The following SLFNL1 variants were observed in gnomAD, a reference collection of about 807,000 sequenced individuals.
SLFNL1 encodes schlafen like 1, also known as schlafen-like protein 1.
A neutral mutation model predicts 32.5 loss-of-function variants in SLFNL1; 26 were observed. That is an observed-to-expected ratio of 0.80 (90% confidence interval 0.59 to 1.11). SLFNL1 has a LOEUF of 1.11. Among genes scored for constraint, SLFNL1 ranks in the 50% least tolerant of loss-of-function variants. The probability of loss-of-function intolerance (pLI) is 0.00; values close to 1 mark genes in which losing one functional copy is unlikely to be tolerated. For missense variants in SLFNL1, 553 were observed against 546.5 expected (o/e 1.01, Z -0.12); for synonymous variants, 255 against 242.2 (o/e 1.05, Z -0.49).
Position 41,017,680 on chromosome 1 carries a change from G to C in SLFNL1, c.912C>G (p.Thr304=). 1.3e-6 allele frequency: 2 copies of C among 1,564,780 alleles called. No homozygotes were observed. The highest frequency in any genetic ancestry group is 1.7e-6 in the Non-Finnish European group (2 of 1,151,294). ...PQIFPDAYTL[T]FIPVISTSET... ...CCGAGGTACTGATCACAGGGATGAAGGTGAGAGTGTAGGCATCGGGAAAGA... is the reference window on the plus strand; with the variant it reads ...CCGAGGTACTGATCACAGGGATGAACGTGAGAGTGTAGGCATCGGGAAAGA... The change falls in exon 4 of 6, where the codon ACC becomes ACG. Residue 304 remains threonine (T), a synonymous_variant. Transcript: ENST00000302946. This position sits in a 1 kb window ranked among gnomAD's most constrained non-coding sequence, Gnocchi z 4.9.
In SLFNL1 at chr1:41,020,773, C is replaced by A; in HGVS notation, c.-113G>T. On this transcript the variant is annotated 5_prime_UTR_variant, in exon 3 of 6. Transcript: ENST00000302946. Reference sequence around the variant, plus strand: ...CTCCCAGAGGACTCAGGGAGTGTCCCGGCTCCTGGGAGGTACACAGATTGG... The same window carrying A: ...CTCCCAGAGGACTCAGGGAGTGTCCAGGCTCCTGGGAGGTACACAGATTGG... The A allele has an allele frequency of 3.1e-6, 3 of 966,702 alleles. No homozygotes were observed. Among genetic ancestry groups the A allele is most frequent in the Non-Finnish European group, 4.6e-6 (3 of 657,620 alleles). 59.9% of individuals were successfully genotyped at this position (966,702 alleles called of 1,614,324 possible).
chr1:41,016,219 C>A lies in SLFNL1; in HGVS notation c.1111G>T (p.Val371Leu). 6.2e-7 allele frequency: 1 copy of A among 1,614,136 alleles called. No individual in the cohort carries two copies. Among genetic ancestry groups the A allele is most frequent in the South Asian group, 1.1e-5 (1 of 91,076 alleles). ...TTCTCTTCCAGCTTGCCCAGCTCCA[C>A]CAGCCACCTCTGAGGGGACATGGGA... ...IQEWCRQRWL[V>L]ELGKLEEKMK... The change falls in exon 6 of 6, where the codon GTG becomes TTG. Residue 371 changes from valine to leucine, a missense_variant. Transcript: ENST00000302946.
chr1:41,018,185 G>C, intron 3 of SLFNL1, 29 bp from the exon 4 acceptor site: 1 of 1,441,178 alleles, frequency 6.9e-7, no homozygotes, highest in South Asian at 1.5e-5. Context: ...ATGAATGTAT[G>C]GGTCCAGCCA....
At position 41,020,803 on chromosome 1, in the gene SLFNL1, G is replaced by A. The variant is rs1200832313; in HGVS notation, c.-118-25C>T. On this transcript the variant is annotated intron_variant, in intron 2 of 5. Coordinates refer to ENST00000302946, the MANE Select transcript of SLFNL1 (RefSeq NM_144990.4). ...CCTGGGAGGTACACAGATTGGCAGA[G>A]ACTGGGCAGGGCCAGAGAGAGGGAG... 3 of 730,396 alleles carry A rather than the reference G, an allele frequency of 4.1e-6. No homozygotes were observed. In the East Asian group the frequency reaches 8.1e-5, roughly 20 times the overall value. The allele number at this position is 730,396 out of a possible 1,614,324, so 45.2% of individuals were successfully genotyped here.
At chr1:41,020,805 C>G in intron 2 of SLFNL1, 27 bp from the exon 3 acceptor site, 1 of 716,824 alleles carries the variant, frequency 1.4e-6, no homozygotes, top group Non-Finnish European at 2.3e-6. Flanking sequence ...TTGGCAGAGA[C>G]TGGGCAGGGC....
rs764917731 is a variant in SLFNL1, at chr1:41,016,144, G to A, written c.1186C>T (p.Gln396Ter). 5 of 1,614,008 alleles carry A rather than the reference G, an allele frequency of 3.1e-6. No individual in the cohort carries two copies. Among genetic ancestry groups the A allele is most frequent in the Admixed American group, 1.7e-5 (1 of 60,002 alleles). ...EKEQLQQQLQ[Q>*]HGPVSCTCCV... ...CAGGTGCAGGACACAGGCCCGTGCT[G>A]CTGCAGCTGCTGCTGGAGCTGCTCC... Residue 396 changes from glutamine (Q) to a stop codon, truncating the protein, a stop_gained, in exon 6 of 6, where the codon CAG becomes TAG. Transcript: ENST00000302946. LOFTEE classifies it high-confidence loss of function.
At chr1:41,016,392 G>GC in intron 5 of SLFNL1, 164 bp from the exon 6 acceptor site, 1 of 1,096,658 alleles carries the variant, frequency 9.1e-7, no homozygotes, top group Non-Finnish European at 1.3e-6. Context: ...ACCTTCAACC[G>GC]TGTCAGCCTG....
At position 41,020,661 on chromosome 1, in the gene SLFNL1, G is replaced by T. The variant is rs1227581941; in HGVS notation, c.-1C>A. 1.2e-6 allele frequency: 2 copies of T among 1,602,522 alleles called. No individual in the cohort carries two copies. The highest frequency in any genetic ancestry group is 1.7e-6 in the Non-Finnish European group (2 of 1,171,486). On this transcript the variant is annotated 5_prime_UTR_variant, in exon 3 of 6. Coordinates refer to ENST00000302946, the MANE Select transcript of SLFNL1 (RefSeq NM_144990.4). ...GCACTGATCTCTTCATGGGGGTCAT[G>T]GGAAGGCTCTCCCTGGGAAGGGGTT...
Position 41,020,424 on chromosome 1 carries a change from C to A in SLFNL1, c.237G>T (p.Ala79=). The A allele has an allele frequency of 6.2e-7, 1 of 1,613,070 alleles. No homozygotes were observed. The highest frequency in any genetic ancestry group is 8.5e-7 in the Non-Finnish European group (1 of 1,180,020). Reference sequence around the variant, plus strand: ...GCCTCACCACTTCAATGTGCTCCCGCGCCACCGGCATCTCCAGCCGCTCCA... The same window carrying A: ...GCCTCACCACTTCAATGTGCTCCCGAGCCACCGGCATCTCCAGCCGCTCCA... ...DTLERLEMPV[A]REHIEVVRRP... The change falls in exon 3 of 6, where the codon GCG becomes GCT. Residue 79 remains alanine (A), a synonymous_variant. Coordinates refer to ENST00000302946, the MANE Select transcript of SLFNL1 (RefSeq NM_144990.4).
At position 41,017,022 on chromosome 1, in the gene SLFNL1, TA is replaced by T; in HGVS notation, c.1101+211del. On this transcript the variant is annotated intron_variant, in intron 5 of 5. Transcript: ENST00000302946. This position sits in a 1 kb window ranked among gnomAD's most constrained non-coding sequence, Gnocchi z 4.9. The stretch of plus-strand genomic sequence containing the variant: ...TGCGCCTGGCCACTGCATAGATTTT[TA>T]AAAGGAGAGAGCTTGGGCCTCTTCC... 4 of 538,222 alleles carry T rather than the reference TA, an allele frequency of 7.4e-6. No individual in the cohort carries two copies. The highest frequency in any genetic ancestry group is 3.6e-5 in the Admixed American group (1 of 27,550). 33.3% of individuals were successfully genotyped at this position (538,222 alleles called of 1,614,324 possible).
Position 41,016,116 on chromosome 1 carries a change from C to A in SLFNL1, c.1214G>T (p.Cys405Phe). ...TGCTCCCCAGGGCCCTCACAGGACA[C>A]AGCAGGTGCAGGACACAGGCCCGTG... is the stretch of plus-strand genomic sequence containing the variant. ...QQHGPVSCTCCVL is the reference protein window; with the variant it reads ...QQHGPVSCTCFVL The change falls in exon 6 of 6, where the codon TGT becomes TTT. Residue 405 changes from cysteine to phenylalanine, a missense_variant. By Grantham distance (205) the Cys-to-Phe change is radical (BLOSUM62 -2). Transcript: ENST00000302946. 6.2e-7 allele frequency: 1 copy of A among 1,613,804 alleles called. No individual in the cohort carries two copies.
chr1:41,017,924 C>G lies in SLFNL1; in HGVS notation c.668G>C (p.Arg223Pro). ...GCTACCCCGCTTGAACTCCATATTG[C>G]GGGTCTCGCTGCCCAGGAAGGCACC... is the stretch of plus-strand genomic sequence containing the variant. ...FQGAFLGSET[R>P]NMEFKRGSGE... The change falls in exon 4 of 6, where the codon CGC (arginine) becomes CCC (proline). Residue 223 changes from arginine to proline, a missense_variant. Coordinates refer to ENST00000302946, the MANE Select transcript of SLFNL1 (RefSeq NM_144990.4). This position sits in a 1 kb window ranked among gnomAD's most constrained non-coding sequence, Gnocchi z 4.9. 2 of 1,612,608 alleles carry G rather than the reference C, an allele frequency of 1.2e-6. No homozygotes were observed. Among genetic ancestry groups the G allele is most frequent in the Non-Finnish European group, 1.7e-6 (2 of 1,179,780 alleles).
Position 41,020,510 on chromosome 1 carries a change from CAT to C in SLFNL1, c.149_150del (p.Tyr50CysfsTer34), listed in dbSNP as rs769694839. 1.9e-6 allele frequency: 3 copies of C among 1,613,380 alleles called. No individual in the cohort carries two copies. Among genetic ancestry groups the C allele is most frequent in the Non-Finnish European group, 2.5e-6 (3 of 1,180,036 alleles). On this transcript the variant is annotated frameshift_variant, in exon 3 of 6. Coordinates refer to ENST00000302946, the MANE Select transcript of SLFNL1 (RefSeq NM_144990.4). LOFTEE classifies it high-confidence loss of function. ...LEEAPSAHTL[Y>X]VGHLNPQFSV... ...GAGAACTGGGGGTTCAGATGGCCCA[CAT>C]AGAGAGTGTGCGCCGAGGGAGCCTC...
chr1:41,016,278 C>T, intron 5 of SLFNL1, 50 bp from the exon 6 acceptor site: 1 of 1,591,010 alleles, frequency 6.3e-7, no homozygotes, highest in Non-Finnish European at 8.6e-7. Context: ...GGTCTCGGGC[C>T]TGTCCGTCCT....
intron 5 of SLFNL1, 85 bp from the exon 6 acceptor site, chr1:41,016,313 G>T: frequency 6.4e-7 from 1 of 1,551,228 alleles, no homozygotes; most frequent in Non-Finnish European, 8.7e-7. Flanking sequence ...ACTGAGGGAG[G>T]AAGGCAAAGC....
In SLFNL1 at chr1:41,018,236, C is replaced by G. The variant is rs564836842; in HGVS notation, c.436-80G>C. On this transcript the variant is annotated intron_variant, in intron 3 of 5. Transcript: ENST00000302946. ...GACCCTGAGAAGGACTGCAAGAACC[C>G]CCAGTCAGGCCCCTGCTGCAGCCTG... The G allele has an allele frequency of 1.5e-4, 210 of 1,357,670 alleles. 1 individual carries two copies. The African/African-American group carries it at 2.5e-3, about 16-fold the overall frequency. The allele number at this position is 1,357,670 out of a possible 1,614,324, so 84.1% of individuals were successfully genotyped here.
rs145050859 is a variant in SLFNL1 at position 41,017,287 on chromosome 1, C to T, written c.1048G>A (p.Gly350Arg). 4.3e-5 allele frequency: 70 copies of T among 1,610,296 alleles called. No homozygotes were observed. Among genetic ancestry groups the T allele is most frequent in the South Asian group, 2.5e-4 (23 of 90,394 alleles). Residue 350 changes from glycine (G) to arginine (R), a missense_variant, in exon 5 of 6, where the codon GGG becomes AGG. Coordinates refer to ENST00000302946, the MANE Select transcript of SLFNL1 (RefSeq NM_144990.4). The surrounding 1 kb of genome is among the most constrained non-coding windows in gnomAD (Gnocchi z 4.9). ...DQGEVFLRRD[G>R]SIQGPLSASA... is the part of the protein sequence containing the mutation. ...GCAGACAGCGGGCCCTGGATGCTCC[C>T]GTCGCGCCGCAGAAACACCTCCCCC... is the stretch of plus-strand genomic sequence containing the variant.
chr1:41,020,399 G>T lies in SLFNL1; in HGVS notation c.262C>A (p.Arg88=). The change falls in exon 3 of 6, where the codon CGG becomes AGG. Residue 88 remains arginine (R), a synonymous_variant. Coordinates refer to ENST00000302946, the MANE Select transcript of SLFNL1 (RefSeq NM_144990.4). The part of the protein sequence containing the change: ...VAREHIEVVR[R]PRKAYALVQV... ...ACCAGTGCATAGGCCTTCCGCGGCC[G>T]CCTCACCACTTCAATGTGCTCCCGC... The T allele has an allele frequency of 6.2e-7, 1 of 1,613,024 alleles. No homozygotes were observed.
At position 41,016,191 on chromosome 1, in the gene SLFNL1, ATCT is replaced by A. The variant is rs558283454; in HGVS notation, c.1136_1138del (p.Lys379del). 5.6e-4 allele frequency: 907 copies of A among 1,613,978 alleles called. 13 individuals are homozygous for A. In the East Asian group the frequency reaches 0.017, roughly 31 times the overall value. On this transcript the variant is annotated inframe_deletion, in exon 6 of 6. Transcript: ENST00000302946. ...CTCCTTCTCCATCATCAGCGCCTTC[ATCT>A]TCTCTTCCAGCTTGCCCAGCTCCAC... is the stretch of plus-strand genomic sequence containing the variant.
Sources: gnomAD v4.1 joint callset for allele counts on GRCh38, gnomAD v4.1.1 for gene constraint, Gnocchi (gnomAD v3.1) non-coding constraint, MANE v1.5 for transcripts, NCBI Gene and HGNC (gene_info 2026-07-23, HGNC 2026-07-21) for gene names.